The following TOP2B variants were observed in gnomAD, a reference collection of about 807,000 sequenced individuals.
TOP2B encodes DNA topoisomerase 2-beta.
TOP2B carries 51 observed loss-of-function variants against 193.5 expected under a neutral mutation model. The ratio of observed to expected loss-of-function variants is 0.26; its 90% CI spans 0.21 to 0.33. The LOEUF is 0.33. Ranked by LOEUF, TOP2B falls within the 10% of genes least tolerant of loss-of-function variation. TOP2B has a pLI of 1.00. For synonymous variants in TOP2B, 634 were observed against 635.7 expected, an observed-to-expected ratio of 1.00 and a Z score of 0.04; for missense variants, 1,378 against 1,909.3, an observed-to-expected ratio of 0.72 and a Z score of 5.19.
intron 7 of TOP2B, 83 bp from the exon 8 acceptor site, chr3:25,634,097 C>A: frequency 9.8e-7 from 1 of 1,018,250 alleles, no homozygotes. Context: ...CGTATACTTT[C>A]ATTTCCTCTC....
At position 25,598,200 on chromosome 3, in the gene TOP2B, A is replaced by ATTACATCATCACAT; in HGVS notation, c.*93_*106dup. Reference sequence around the variant, plus strand: ...CTACCACAATAATAAAAAACCGTCAATTACATCATCACATTAAAATAAGCC... The same window carrying ATTACATCATCACAT: ...CTACCACAATAATAAAAAACCGTCAATTACATCATCACATTTACATCATCACATTAAAATAAGCC... On this transcript the variant is annotated 3_prime_UTR_variant, in exon 36 of 36. Transcript: ENST00000264331. 2 of 1,216,582 alleles carry ATTACATCATCACAT rather than the reference A, an allele frequency of 1.6e-6. No individual in the cohort carries two copies. The highest frequency in any genetic ancestry group is 2.3e-6 in the Non-Finnish European group (2 of 878,404). 75.4% of individuals were successfully genotyped at this position (1,216,582 alleles called of 1,614,324 possible).
At chr3:25,662,652 TGAAA>T (rs1161980476) in intron 1 of TOP2B, among the ~76,000 whole-genome samples, 5 of 152,218 alleles carry the variant, frequency 3.3e-5, no homozygotes, top group Admixed American at 2.6e-4. Flanking sequence ...CTATGGAGCT[TGAAA>T]GAAATAAATT....
intron 1 of TOP2B, among the ~76,000 whole-genome samples, chr3:25,652,116 G>A (rs1019336628): frequency 6.6e-6 from 1 of 152,174 alleles, no homozygotes; most frequent in Non-Finnish European, 1.5e-5. Flanking sequence ...GACATTATAT[G>A]ATAAAAGGGT....
At chr3:25,604,574 T>C (rs1470897038) in intron 33 of TOP2B, among the ~76,000 whole-genome samples, 186 bp downstream of exon 33, 1 of 152,222 alleles carries the variant, frequency 6.6e-6, no homozygotes, top group Non-Finnish European at 1.5e-5. Flanking sequence ...GCTTTAAAAT[T>C]AAGTCTTACA....
intron 1 of TOP2B, among the ~76,000 whole-genome samples, chr3:25,657,516 TG>T (rs1346871260): frequency 1.3e-5 from 2 of 152,180 alleles, no homozygotes; most frequent in Non-Finnish European, 2.9e-5. Flanking sequence ...CAAATTGCCT[TG>T]AACAACCACA....
Position 25,638,314 on chromosome 3 carries a change from T to C in TOP2B, c.396-4A>G. On this transcript the variant is annotated splice_region_variant and splice_polypyrimidine_tract_variant and intron_variant, in intron 4 of 35. Coordinates refer to ENST00000264331, the MANE Select transcript of TOP2B (RefSeq NM_001330700.2). The stretch of plus-strand genomic sequence containing the variant: ...AATGCTTATAATGTTAGATTCACTG[T>C]AAAAAAAAAAAAAAAAAAAAAAAAA... 3.1e-5 allele frequency: 4 copies of C among 130,430 alleles called. No homozygotes were observed. Among genetic ancestry groups the C allele is most frequent in the Non-Finnish European group, 4.2e-5 (4 of 95,702 alleles). The allele number at this position is 130,430 out of a possible 1,614,324, so 8.1% of individuals were successfully genotyped here. A position where few individuals can be genotyped will look rare whatever the true frequency, so the allele number is the denominator to read the frequency against.
At chr3:25,606,653 C>A (rs1173559063) in intron 31 of TOP2B, among the ~76,000 whole-genome samples, 1 of 152,106 alleles carries the variant, frequency 6.6e-6, no homozygotes, top group African/African-American at 2.4e-5. Flanking sequence ...AAAAAAACAT[C>A]TAAAATAGTT....
At chr3:25,635,020 A>G (rs1229082528) in intron 7 of TOP2B, among the ~76,000 whole-genome samples, 1 of 152,128 alleles carries the variant, frequency 6.6e-6, no homozygotes, top group East Asian at 1.9e-4. Flanking sequence ...ATCTCCCCCA[A>G]AATCTACCAT....
At position 25,664,761 on chromosome 3, in the gene TOP2B, C is replaced by T. The variant is rs1704041009; in HGVS notation, c.-464G>A. ...ACTCGAGTCGCCAGAGTAGTCGTCCCGGTCGCCGCCGCTGCTTCAAAGGCA... is the reference window on the plus strand; with the variant it reads ...ACTCGAGTCGCCAGAGTAGTCGTCCTGGTCGCCGCCGCTGCTTCAAAGGCA... On this transcript the variant is annotated 5_prime_UTR_variant, in exon 1 of 36. Coordinates refer to ENST00000264331, the MANE Select transcript of TOP2B (RefSeq NM_001330700.2). 1.0e-6 allele frequency: 1 copy of T among 988,570 alleles called. No homozygotes were observed. Among genetic ancestry groups the T allele is most frequent in the Non-Finnish European group, 1.2e-6 (1 of 830,862 alleles). 61.2% of individuals were successfully genotyped at this position (988,570 alleles called of 1,614,324 possible). A position where few individuals can be genotyped will look rare whatever the true frequency, so the allele number is the denominator to read the frequency against.
chr3:25,604,618 A>T, intron 33 of TOP2B, 142 bp downstream of exon 33: 1 of 628,974 alleles, frequency 1.6e-6, no homozygotes. Flanking sequence ...TGGCTAGAAA[A>T]CGAGAGGTTC....
chr3:25,644,074 C>T (rs1201409990), intron 2 of TOP2B, among the ~76,000 whole-genome samples: 1 of 149,282 alleles, frequency 6.7e-6, no homozygotes, highest in Non-Finnish European at 1.5e-5. Context: ...AAAAACATTA[C>T]TTTTCATAAA....
At position 25,615,522 on chromosome 3, in the gene TOP2B, G is replaced by T. The variant is rs867919882; in HGVS notation, c.3416C>A (p.Ser1139Ter). The T allele has an allele frequency of 6.3e-7, 1 of 1,577,596 alleles. No homozygotes were observed. Residue 1139 changes from serine (S) to a stop codon, truncating the protein, a stop_gained, in exon 26 of 36, where the codon TCA becomes TAA. Transcript: ENST00000264331. LOFTEE classifies it high-confidence loss of function. ...TAAAATATAATTAAAATCTGGGCCTGAAGGAGTTCCTGAATCGGAGGAACT... is the reference window on the plus strand; with the variant it reads ...TAAAATATAATTAAAATCTGGGCCTTAAGGAGTTCCTGAATCGGAGGAACT... ...DDSSSDSGTP[S>*]GPDFNYILNM...
At chr3:25,642,806 G>C (rs1703301901) in intron 3 of TOP2B, among the ~76,000 whole-genome samples, 1 of 152,048 alleles carries the variant, frequency 6.6e-6, no homozygotes, top group Non-Finnish European at 1.5e-5. Flanking sequence ...ATAGAAACCA[G>C]TTCATTTTCA....
intron 1 of TOP2B, among the ~76,000 whole-genome samples, chr3:25,661,052 G>A (rs185402297): frequency 3.3e-4 from 50 of 150,018 alleles, no homozygotes; most frequent in African/African-American, 1.2e-3. Context: ...CCAGGCTGGA[G>A]TGCAATGGCG....
chr3:25,643,808 AT>A, intron 2 of TOP2B, 24 bp from the exon 3 acceptor site: 1 of 1,558,186 alleles, frequency 6.4e-7, no homozygotes, highest in Non-Finnish European at 8.8e-7. Context: ...TTCAAAAAAA[AT>A]TTTACTCAAT....
At chr3:25,656,782 A>C (rs780579481) in intron 1 of TOP2B, among the ~76,000 whole-genome samples, 4 of 152,236 alleles carry the variant, frequency 2.6e-5, no homozygotes, top group Non-Finnish European at 5.9e-5. Flanking sequence ...TTATCTATAG[A>C]GTAGAAATAC....
chr3:25,664,223 A>G lies in TOP2B; in HGVS notation c.69+6T>C, dbSNP rs1704015348. ...CAGCCGCCCGTCCCGGGGACCAGCC[A>G]CTTACCACCCAGGTCAGTGCCCCGT... is the stretch of plus-strand genomic sequence containing the variant. On this transcript the variant is annotated splice_donor_region_variant and intron_variant, in intron 1 of 35. Transcript: ENST00000264331. The G allele has an allele frequency of 3.3e-6, 5 of 1,533,102 alleles. No homozygotes were observed. The highest frequency in any genetic ancestry group is 1.2e-5 in the South Asian group (1 of 83,832). 95.0% of individuals were successfully genotyped at this position (1,533,102 alleles called of 1,614,324 possible).
chr3:25,648,922 A>G (rs1392419628), intron 1 of TOP2B, among the ~76,000 whole-genome samples: 4 of 152,216 alleles, frequency 2.6e-5, no homozygotes, highest in Non-Finnish European at 5.9e-5. Flanking sequence ...ATATTGTCAT[A>G]CAAAGAATTC....
At chr3:25,630,243 A>G (rs1702918014) in intron 12 of TOP2B, 69 bp downstream of exon 12, 2 of 1,521,154 alleles carry the variant, frequency 1.3e-6, no homozygotes, top group Non-Finnish European at 8.8e-7. Context: ...GAAGTTTAGT[A>G]AAGTATTAGA....
Sources: allele counts gnomAD v4.1 joint callset (sites outside exome capture counted in the v4.1 genomes callset), GRCh38; gene constraint gnomAD v4.1.1; transcripts MANE v1.5; gene names NCBI Gene and HGNC (gene_info 2026-07-23, HGNC 2026-07-21).